ACTR3B: variants seen among roughly 807,000 people sequenced by gnomAD.
ACTR3B encodes the protein actin related protein 3B.
In ACTR3B, 8 loss-of-function variants were observed where a neutral mutation model predicts 59.0. The observed-to-expected ratio is 0.14, with a 90% CI of 0.08 to 0.24. ACTR3B has a LOEUF of 0.24. Among genes scored for constraint, ACTR3B ranks in the 10% least tolerant of loss-of-function variants. ACTR3B has a pLI of 1.00. For synonymous variants in ACTR3B, 148 were observed against 197.9 expected (o/e 0.75, Z 2.12); for missense variants, 245 against 552.3 (o/e 0.44, Z 5.58).
chr7:152,759,908 T>G lies in ACTR3B; in HGVS notation c.26T>G (p.Val9Gly). Residue 9 changes from valine (V) to glycine (G), a missense_variant, in exon 1 of 12, where the codon GTG becomes GGG. Physicochemically the swap from Val to Gly is moderately radical, Grantham distance 109. Coordinates refer to ENST00000256001, the MANE Select transcript of ACTR3B (RefSeq NM_020445.6). MAGSLPPC[V>G]VDCGTGYTKL... ...ATGGCAGGCTCCCTGCCTCCCTGCG[T>G]GGTGGACTGTGGCACCGGGTAAGAG... 1 of 1,393,686 alleles carries G rather than the reference T, an allele frequency of 7.2e-7. No homozygotes were observed. The highest frequency in any genetic ancestry group is 9.4e-7 in the Non-Finnish European group (1 of 1,065,394). 86.3% of individuals were successfully genotyped at this position (1,393,686 alleles called of 1,614,324 possible). A position where few individuals can be genotyped will look rare whatever the true frequency, so the allele number is the denominator to read the frequency against.
At chr7:152,779,243 C>T (rs1229499921) in intron 1 of ACTR3B, among the ~76,000 whole-genome samples, 2 of 151,948 alleles carry the variant, frequency 1.3e-5, no homozygotes, top group African/African-American at 4.8e-5. Flanking sequence ...TCTGGAGATT[C>T]CCATTTAGTG....
chr7:152,833,106 A>G (rs1797159695), intron 9 of ACTR3B, among the ~76,000 whole-genome samples: 1 of 152,220 alleles, frequency 6.6e-6, no homozygotes, highest in African/African-American at 2.4e-5. Flanking sequence ...CCTTGGGTTC[A>G]CCACACAGGG....
At chr7:152,834,542 T>G (rs545391646) in intron 9 of ACTR3B, among the ~76,000 whole-genome samples, 26 of 152,256 alleles carry the variant, frequency 1.7e-4, no homozygotes, top group Non-Finnish European at 3.4e-4. Context: ...TATTTATGTT[T>G]CATATGCTAT....
intron 7 of ACTR3B, among the ~76,000 whole-genome samples, chr7:152,820,723 G>A (rs1796079441): frequency 1.3e-5 from 2 of 152,238 alleles, no homozygotes; most frequent in Admixed American, 1.3e-4. Flanking sequence ...CCTCACTGCT[G>A]GAGCCTCATC....
chr7:152,837,792 C>T (rs1249889486), intron 9 of ACTR3B, among the ~76,000 whole-genome samples: 3 of 152,130 alleles, frequency 2.0e-5, no homozygotes, highest in South Asian at 2.1e-4. Context: ...GGCTTCAAAC[C>T]GACTTTGTTG....
At chr7:152,804,511 C>A (rs1305610909) in intron 4 of ACTR3B, among the ~76,000 whole-genome samples, 1 of 152,054 alleles carries the variant, frequency 6.6e-6, no homozygotes, top group Non-Finnish European at 1.5e-5. Context: ...TGGGCAGACA[C>A]CTCTGGCACA....
At chr7:152,813,984 A>T (rs1425077170) in intron 4 of ACTR3B, 1 of 60,334 alleles carries the variant, frequency 1.7e-5, no homozygotes, top group Non-Finnish European at 4.2e-5. Context: ...GCGTGTGGGT[A>T]GGCTGGGGAG....
At chr7:152,787,388 C>G (rs1339327081) in intron 2 of ACTR3B, among the ~76,000 whole-genome samples, 1 of 151,980 alleles carries the variant, frequency 6.6e-6, no homozygotes, top group Non-Finnish European at 1.5e-5. Flanking sequence ...TTCGCAGATA[C>G]TTTTTTATTC....
At position 152,854,772 on chromosome 7, in the gene ACTR3B, T is replaced by C; in HGVS notation, c.*219T>C. 2.0e-6 allele frequency: 1 copy of C among 510,942 alleles called. No homozygotes were observed. 31.7% of individuals were successfully genotyped at this position (510,942 alleles called of 1,614,324 possible). A position where few individuals can be genotyped will look rare whatever the true frequency, so the allele number is the denominator to read the frequency against. ...CAGCCTCCTCCTTCTCCCGCCCTCC[T>C]CACCCTCGCTCTCCCTCCTCCTCCT... On this transcript the variant is annotated 3_prime_UTR_variant, in exon 12 of 12. Coordinates refer to ENST00000256001, the MANE Select transcript of ACTR3B (RefSeq NM_020445.6). The surrounding 1 kb of genome is among the most constrained non-coding windows in gnomAD (Gnocchi z 4.9).
intron 1 of ACTR3B, among the ~76,000 whole-genome samples, chr7:152,762,932 T>C (rs1400991255): frequency 6.6e-6 from 1 of 152,212 alleles, no homozygotes; most frequent in Non-Finnish European, 1.5e-5. Flanking sequence ...GGGACTCGCC[T>C]CAGTCTTGAT....
chr7:152,773,393 C>T (rs1275144176), intron 1 of ACTR3B, among the ~76,000 whole-genome samples: 1 of 152,058 alleles, frequency 6.6e-6, no homozygotes, highest in Non-Finnish European at 1.5e-5. Flanking sequence ...TCGAGACCAG[C>T]CTGGCCAACA....
At chr7:152,795,412 C>G (rs1590278519) in intron 2 of ACTR3B, among the ~76,000 whole-genome samples, 1 of 152,206 alleles carries the variant, frequency 6.6e-6, no homozygotes, top group South Asian at 2.1e-4. Flanking sequence ...TCCAGATAAT[C>G]TACTTTTAGA....
intron 1 of ACTR3B, among the ~76,000 whole-genome samples, chr7:152,765,405 C>A (rs1362948323): frequency 6.7e-6 from 1 of 150,118 alleles, no homozygotes; most frequent in Non-Finnish European, 1.5e-5. Flanking sequence ...CCATGAGCCA[C>A]TGCGCCTGGC....
chr7:152,772,761 A>G (rs1208870911), intron 1 of ACTR3B, among the ~76,000 whole-genome samples: 45 of 144,704 alleles, frequency 3.1e-4, no homozygotes, highest in Admixed American at 3.1e-3. Context: ...TACCAGCTTC[A>G]ATAATTGAAT....
chr7:152,829,026 TAAA>T (rs1168263118), intron 9 of ACTR3B, among the ~76,000 whole-genome samples: 1 of 151,040 alleles, frequency 6.6e-6, no homozygotes, highest in South Asian at 2.1e-4. Context: ...TATTGACAAG[TAAA>T]AATTGTGTGT....
intron 1 of ACTR3B, among the ~76,000 whole-genome samples, chr7:152,781,836 G>T (rs1373341098): frequency 1.3e-5 from 2 of 152,080 alleles, no homozygotes; most frequent in Non-Finnish European, 2.9e-5. Flanking sequence ...AGTTGTGGTA[G>T]GTCCACTTGG....
intron 1 of ACTR3B, among the ~76,000 whole-genome samples, chr7:152,782,231 G>A (rs2626735): frequency 0.48 from 67,684 of 141,110 alleles, 17,256 homozygotes; most frequent in Non-Finnish European, 0.53. Context: ...CAACACTGCT[G>A]GTGTTAGCAG....
intron 5 of ACTR3B, among the ~76,000 whole-genome samples, chr7:152,815,316 T>C (rs1229291734): frequency 1.3e-5 from 2 of 152,248 alleles, no homozygotes; most frequent in African/African-American, 2.4e-5. Context: ...ACAGCGCCTA[T>C]CAGCACAGTC....
At chr7:152,806,908 C>G (rs532402925) in intron 4 of ACTR3B, among the ~76,000 whole-genome samples, 1 of 152,320 alleles carries the variant, frequency 6.6e-6, no homozygotes, top group South Asian at 2.1e-4. Flanking sequence ...AGTGGTGTCA[C>G]TCAAAGGCAT....
Sources: gnomAD v4.1 joint callset for allele counts (sites outside exome capture counted in the v4.1 genomes callset) on GRCh38, gnomAD v4.1.1 for gene constraint, Gnocchi (gnomAD v3.1) non-coding constraint, MANE v1.5 for transcripts, NCBI Gene and HGNC (gene_info 2026-07-23, HGNC 2026-07-21) for gene names.